NFE2L2: variants seen among roughly 807,000 people sequenced by gnomAD.
The protein encoded by NFE2L2 is NFE2 like bZIP transcription factor 2.
A neutral mutation model predicts 49.6 loss-of-function variants in NFE2L2; 20 were observed. The observed-to-expected ratio is 0.40, with a 90% confidence interval of 0.28 to 0.59. The LOEUF (loss-of-function observed/expected upper bound fraction) is 0.59, where lower values mean the gene tolerates loss of function less well. NFE2L2 is among the 20% of genes least tolerant of loss of function. NFE2L2 has a pLI of 0.40. For missense variants in NFE2L2, 578 were observed against 714.2 expected, an observed-to-expected ratio of 0.81 and a Z score of 2.17; for synonymous variants, 244 against 256.5, an observed-to-expected ratio of 0.95 and a Z score of 0.47.
chr2:177,235,616 G>A (rs960569679), intron 1 of NFE2L2, among the ~76,000 whole-genome samples: 1 of 152,144 alleles, frequency 6.6e-6, no homozygotes, highest in Non-Finnish European at 1.5e-5. Context: ...GATTGCTGGA[G>A]CACAGGAGTT....
Position 177,246,174 on chromosome 2 carries a change from G to A in NFE2L2, c.46-11903C>T, listed in dbSNP as rs6708442. On this transcript the variant is annotated intron_variant, in intron 1 of 4. Transcript: ENST00000397062. ...ACACTCAGACTTGCCTGCCCCATAC[G>A]ACTTAACAGGCAAATCAGGCCAACG... Among the ~76,000 whole-genome samples, 215 of 152,250 alleles carry A rather than the reference G, an allele frequency of 1.4e-3. 1 individual carries two copies. The highest frequency in any genetic ancestry group is 4.1e-3 in the African/African-American group (171 of 41,550).
At chr2:177,239,625 C>T (rs1466400904) in intron 1 of NFE2L2, among the ~76,000 whole-genome samples, 1 of 152,000 alleles carries the variant, frequency 6.6e-6, no homozygotes, top group African/African-American at 2.4e-5. Context: ...TGCAGTGAGC[C>T]AAGATCGTGC....
chr2:177,234,307 A>T (rs751650669), intron 1 of NFE2L2, 36 bp from the exon 2 acceptor site: 15 of 1,562,104 alleles, frequency 9.6e-6, no homozygotes, highest in Non-Finnish European at 1.3e-5. Flanking sequence ...GAGAGAGCTC[A>T]TGTTTTTTAA....
Position 177,230,899 on chromosome 2 carries a change from T to C in NFE2L2, c.1704A>G (p.Leu568=). 1 of 1,614,116 alleles carries C rather than the reference T, an allele frequency of 6.2e-7. No homozygotes were observed. The highest frequency in any genetic ancestry group is 8.5e-7 in the Non-Finnish European group (1 of 1,180,008). ...STLYLEVFSM[L]RDEDGKPYSP... is the part of the protein sequence containing the mutation. ...AATAAGGTTTTCCATCTTCATCACG[T>C]AGCATGCTGAAAACTTCGAGATATA... Residue 568 remains leucine, a synonymous_variant, in exon 5 of 5, where the codon CTA becomes CTG. Transcript: ENST00000397062.
At chr2:177,239,899 C>G (rs1211312821) in intron 1 of NFE2L2, among the ~76,000 whole-genome samples, 4 of 146,660 alleles carry the variant, frequency 2.7e-5, no homozygotes, top group African/African-American at 1.0e-4. Flanking sequence ...TTTCAGCAGG[C>G]AAAATCCTGC....
intron 1 of NFE2L2, among the ~76,000 whole-genome samples, chr2:177,257,268 T>C (rs2105491291): frequency 6.6e-6 from 1 of 152,338 alleles, no homozygotes; most frequent in Middle Eastern, 3.4e-3. Flanking sequence ...CTTCTGAGCA[T>C]TCTGTCCTCA....
At position 177,230,735 on chromosome 2, in the gene NFE2L2, G is replaced by T. The variant is rs761245040; in HGVS notation, c.*50C>A. On this transcript the variant is annotated 3_prime_UTR_variant, in exon 5 of 5. Coordinates refer to ENST00000397062, the MANE Select transcript of NFE2L2 (RefSeq NM_006164.5). ...TTTCACATCACAGTAGGAGCTTTTAGTATAATAGTACAAAAAAACTAGCTC... is the reference window on the plus strand; with the variant it reads ...TTTCACATCACAGTAGGAGCTTTTATTATAATAGTACAAAAAAACTAGCTC... The T allele has an allele frequency of 6.6e-7, 1 of 1,522,698 alleles. No individual in the cohort carries two copies. The highest frequency in any genetic ancestry group is 8.8e-7 in the Non-Finnish European group (1 of 1,141,942). 94.3% of individuals were successfully genotyped at this position (1,522,698 alleles called of 1,614,324 possible). A position where few individuals can be genotyped will look rare whatever the true frequency, so the allele number is the denominator to read the frequency against.
At position 177,264,727 on chromosome 2, in the gene NFE2L2, C is replaced by T; in HGVS notation, c.-151G>A. On this transcript the variant is annotated 5_prime_UTR_variant, in exon 1 of 5. Coordinates refer to ENST00000397062, the MANE Select transcript of NFE2L2 (RefSeq NM_006164.5). ...TCCGGGCTCCCCGGCACTCGGTAATCGGCTACACGCCGGCGGGCCCCTGCC... is the reference window on the plus strand; with the variant it reads ...TCCGGGCTCCCCGGCACTCGGTAATTGGCTACACGCCGGCGGGCCCCTGCC... 1.8e-6 allele frequency: 1 copy of T among 564,766 alleles called. No individual in the cohort carries two copies. The highest frequency in any genetic ancestry group is 2.7e-6 in the Non-Finnish European group (1 of 368,974). 35.0% of individuals were successfully genotyped at this position (564,766 alleles called of 1,614,324 possible).
intron 1 of NFE2L2, among the ~76,000 whole-genome samples, chr2:177,264,185 C>G (rs893596347): frequency 6.6e-6 from 1 of 152,162 alleles, no homozygotes; most frequent in African/African-American, 2.4e-5. Context: ...CCGCCGCCCA[C>G]CGGGCCGCTC....
chr2:177,257,040 C>A (rs539240019), intron 1 of NFE2L2, among the ~76,000 whole-genome samples: 5 of 152,368 alleles, frequency 3.3e-5, no homozygotes, highest in African/African-American at 7.2e-5. Context: ...AATATGTCAA[C>A]CCAAAAGCCA....
rs1689522596 is a variant in NFE2L2, at chr2:177,230,962, G to A, written c.1641C>T (p.Asp547=). 1.2e-6 allele frequency: 2 copies of A among 1,610,380 alleles called. No homozygotes were observed. Among genetic ancestry groups the A allele is most frequent in the African/African-American group, 2.7e-5 (2 of 74,562 alleles). Residue 547 remains aspartate, a synonymous_variant, in exon 5 of 5, where the codon GAC becomes GAT. Transcript: ENST00000397062. ...GTTTTTTCAGTAGGTGAAGGCTTTT[G>A]TCATTTTCTCCTTTTTCTTTGAGCA... ...EKLLKEKGEN[D]KSLHLLKKQL...
chr2:177,235,235 G>A (rs1470881465), intron 1 of NFE2L2, among the ~76,000 whole-genome samples: 3 of 151,916 alleles, frequency 2.0e-5, no homozygotes, highest in Non-Finnish European at 1.5e-5. Flanking sequence ...CGACCAGCCT[G>A]GGCAACATGG....
intron 1 of NFE2L2, among the ~76,000 whole-genome samples, chr2:177,257,753 A>T (rs1690579585): frequency 6.6e-6 from 1 of 152,180 alleles, no homozygotes; most frequent in Admixed American, 6.5e-5. Context: ...ACCTCCTGTC[A>T]GATTAGCAGC....
At chr2:177,236,032 A>G (rs1246397813) in intron 1 of NFE2L2, among the ~76,000 whole-genome samples, 1 of 152,280 alleles carries the variant, frequency 6.6e-6, no homozygotes, top group Non-Finnish European at 1.5e-5. Flanking sequence ...GAGAATGGAA[A>G]AAAATCAAGA....
chr2:177,252,097 C>T (rs997293722), intron 1 of NFE2L2, among the ~76,000 whole-genome samples: 2 of 151,784 alleles, frequency 1.3e-5, no homozygotes, highest in African/African-American at 4.8e-5. Flanking sequence ...GTGCTATTTC[C>T]TGTGCCCAGT....
chr2:177,254,737 A>G (rs765440117), intron 1 of NFE2L2, among the ~76,000 whole-genome samples: 2 of 152,222 alleles, frequency 1.3e-5, no homozygotes, highest in Non-Finnish European at 2.9e-5. Flanking sequence ...GTAGGTCATT[A>G]GACAATGAAA....
At chr2:177,255,907 T>A (rs1259968781) in intron 1 of NFE2L2, 1 of 152,998 alleles carries the variant, frequency 6.5e-6, no homozygotes, top group African/African-American at 2.4e-5. Flanking sequence ...TCATTGAGAA[T>A]CATCAAGAAT....
chr2:177,236,702 G>A (rs1013297314), intron 1 of NFE2L2, among the ~76,000 whole-genome samples: 2 of 152,150 alleles, frequency 1.3e-5, no homozygotes, highest in African/African-American at 4.8e-5. Flanking sequence ...GGCATTTGCT[G>A]CAAATAACCT....
At chr2:177,243,503 T>A (rs1192937173) in intron 1 of NFE2L2, among the ~76,000 whole-genome samples, 3 of 152,270 alleles carry the variant, frequency 2.0e-5, no homozygotes, top group Admixed American at 6.5e-5. Context: ...TAAAGTTCAA[T>A]CCTTGGGGTC....
Sources: allele counts gnomAD v4.1 joint callset (sites outside exome capture counted in the v4.1 genomes callset), GRCh38; gene constraint gnomAD v4.1.1; transcripts MANE v1.5; gene names NCBI Gene and HGNC (gene_info 2026-07-23, HGNC 2026-07-21).